BCAS3: variants seen among roughly 807,000 people sequenced by gnomAD.
The protein encoded by BCAS3 is BCAS3 microtubule associated cell migration factor, also known as BCAS4/BCAS3 fusion.
BCAS3 carries 53 observed loss-of-function variants against 116.1 expected under a neutral mutation model. The observed-to-expected ratio is 0.46, with a 90% CI of 0.37 to 0.57. The LOEUF (loss-of-function observed/expected upper bound fraction) is 0.57. Ranked by LOEUF, BCAS3 falls within the 20% of genes least tolerant of loss-of-function variation. BCAS3 has a pLI of 0.00. For missense variants in BCAS3, 917 were observed against 1,165.4 expected (o/e 0.79, Z 3.10); for synonymous variants, 391 against 408.2 (o/e 0.96, Z 0.51).
chr17:60,938,711 A>AAGATAGATAGAT (rs77328962), intron 13 of BCAS3, among the ~76,000 whole-genome samples: 2,671 of 146,662 alleles, frequency 0.018, 30 homozygotes, highest in Non-Finnish European at 0.019. Flanking sequence ...TTTCTGATAG[A>AAGATAGATAGAT]AGATAGATAG....
At chr17:61,089,607 G>T (rs2073376098) in intron 22 of BCAS3, among the ~76,000 whole-genome samples, 1 of 130,434 alleles carries the variant, frequency 7.7e-6, no homozygotes, top group Non-Finnish European at 1.5e-5. Flanking sequence ...TCAGCTCACT[G>T]CAACCTCCGC....
rs533688248 is a variant in BCAS3, at chr17:61,001,808, T to G, written c.1486+11573T>G. 3.9e-5 allele frequency among the ~76,000 whole-genome samples: 6 copies of G among 152,308 alleles called. No homozygotes were observed. In the South Asian group the frequency reaches 1.2e-3, roughly 32 times the overall value. ...GAATTTGTTTTCTCAAATTCTTTTATCACCTTTTTTAAAAAAAAATGTTGC... is the reference window on the plus strand; with the variant it reads ...GAATTTGTTTTCTCAAATTCTTTTAGCACCTTTTTTAAAAAAAAATGTTGC... On this transcript the variant is annotated intron_variant, in intron 15 of 23. Transcript: ENST00000407086.
intron 11 of BCAS3, among the ~76,000 whole-genome samples, chr17:60,907,480 A>G (rs145301096): frequency 6.6e-6 from 1 of 152,202 alleles, no homozygotes; most frequent in African/African-American, 2.4e-5. Flanking sequence ...CTGATATGGC[A>G]TGGGAAAGGT....
At chr17:60,877,823 C>T (rs925229726) in intron 9 of BCAS3, among the ~76,000 whole-genome samples, 15 of 152,136 alleles carry the variant, frequency 9.9e-5, no homozygotes, top group Non-Finnish European at 1.3e-4. Context: ...TGCATACTGG[C>T]TGTCATGGGT....
rs1211276628 is a variant in BCAS3 at position 61,235,879 on chromosome 17, T to C, written c.2426-132448T>C. On this transcript the variant is annotated intron_variant, in intron 22 of 23. Transcript: ENST00000407086. The surrounding 1 kb of genome is among the most constrained non-coding windows in gnomAD (Gnocchi z 5.0). ...GTTTCTGCTACTGGGAGCCACAGGG[T>C]AATCAGCTCACATGACATACCCAGA... Among the ~76,000 whole-genome samples the C allele has an allele frequency of 6.6e-6, 1 of 152,150 alleles. No homozygotes were observed. Among genetic ancestry groups the C allele is most frequent in the Non-Finnish European group, 1.5e-5 (1 of 68,028 alleles).
At chr17:60,828,595 C>T (rs2050638013) in intron 7 of BCAS3, among the ~76,000 whole-genome samples, 1 of 152,174 alleles carries the variant, frequency 6.6e-6, no homozygotes, top group Non-Finnish European at 1.5e-5. Flanking sequence ...AATGACAACA[C>T]AGTCTCAGTG....
At chr17:61,170,038 A>G (rs1022473095) in intron 22 of BCAS3, among the ~76,000 whole-genome samples, 1 of 151,256 alleles carries the variant, frequency 6.6e-6, no homozygotes, top group Admixed American at 6.6e-5. Flanking sequence ...TATTTTGAGT[A>G]GAGACGGGGT....
intron 11 of BCAS3, among the ~76,000 whole-genome samples, chr17:60,907,665 A>C (rs559666874): frequency 2.0e-5 from 3 of 152,350 alleles, no homozygotes; most frequent in Admixed American, 2.0e-4. Context: ...AAGATTCATC[A>C]GTGATTTAAT....
At chr17:60,737,961 A>G (rs1259783307) in intron 5 of BCAS3, among the ~76,000 whole-genome samples, 1 of 151,858 alleles carries the variant, frequency 6.6e-6, no homozygotes, top group Non-Finnish European at 1.5e-5. Context: ...TACTTTTTGC[A>G]TTTTTAGTAG....
rs984193824 is a variant in BCAS3, at chr17:61,363,746, C to G, written c.2426-4581C>G. ...GAGTGTGTATTTTGTCCTTTGCAAA[C>G]AGCCTGCGCTAAGTGAGCGTCTTCT... On this transcript the variant is annotated intron_variant, in intron 22 of 23. Transcript: ENST00000407086. The surrounding 1 kb of genome is among the most constrained non-coding windows in gnomAD (Gnocchi z 4.9). 1.3e-5 allele frequency among the ~76,000 whole-genome samples: 2 copies of G among 152,186 alleles called. No individual in the cohort carries two copies. The highest frequency in any genetic ancestry group is 4.8e-5 in the African/African-American group (2 of 41,428).
intron 7 of BCAS3, among the ~76,000 whole-genome samples, chr17:60,853,757 A>G (rs527877872): frequency 2.6e-5 from 4 of 152,286 alleles, no homozygotes; most frequent in African/African-American, 9.6e-5. Flanking sequence ...TTTTAAACAT[A>G]CTGTTTTCTT....
intron 22 of BCAS3, among the ~76,000 whole-genome samples, chr17:61,129,365 C>T (rs1373419412): frequency 1.3e-5 from 2 of 152,202 alleles, no homozygotes; most frequent in Non-Finnish European, 2.9e-5. Context: ...GCTTAGACTA[C>T]GAGAGCTAAC....
chr17:61,026,772 C>A lies in BCAS3; in HGVS notation c.1638-7894C>A. The A allele has an allele frequency of 8.7e-7, 1 of 1,144,792 alleles. No individual in the cohort carries two copies. Among genetic ancestry groups the A allele is most frequent in the Non-Finnish European group, 1.3e-6 (1 of 786,816 alleles). The allele number at this position is 1,144,792 out of a possible 1,614,324, so 70.9% of individuals were successfully genotyped here. A position where few individuals can be genotyped will look rare whatever the true frequency, so the allele number is the denominator to read the frequency against. On this transcript the variant is annotated intron_variant, in intron 16 of 23. Transcript: ENST00000407086. The surrounding 1 kb of genome is among the most constrained non-coding windows in gnomAD (Gnocchi z 5.0). ...TTACTAATTTTTTAGTTATTTTTAT[C>A]CATACTCTATAACAGTATGATATAC...
chr17:60,691,719 CTTT>C (rs897575381), intron 4 of BCAS3, among the ~76,000 whole-genome samples: 2 of 139,748 alleles, frequency 1.4e-5, no homozygotes, highest in Admixed American at 7.2e-5. Flanking sequence ...AATATGAAGC[CTTT>C]TTTTTTTTTT....
chr17:61,027,052 G>T, intron 16 of BCAS3: 1 of 639,720 alleles, frequency 1.6e-6, no homozygotes, highest in Non-Finnish European at 2.6e-6. Flanking sequence ...GATGGAACAT[G>T]AATGTTGATA....
rs758395945 is a variant in BCAS3 at position 60,990,787 on chromosome 17, C to T, written c.1486+552C>T. Reference sequence around the variant, plus strand: ...TCAGCCTCCCGAGCAGCTGGGATTACAGGCATCCGCCACCACGCCTGGCTG... The same window carrying T: ...TCAGCCTCCCGAGCAGCTGGGATTATAGGCATCCGCCACCACGCCTGGCTG... On this transcript the variant is annotated intron_variant, in intron 15 of 23. Transcript: ENST00000407086. This position sits in a 1 kb window ranked among gnomAD's most constrained non-coding sequence, Gnocchi z 5.1. 6.6e-6 allele frequency among the ~76,000 whole-genome samples: 1 copy of T among 152,090 alleles called. No individual in the cohort carries two copies. The highest frequency in any genetic ancestry group is 2.4e-5 in the African/African-American group (1 of 41,404).
intron 14 of BCAS3, among the ~76,000 whole-genome samples, chr17:60,975,114 GC>G (rs1308729948): frequency 1.3e-5 from 2 of 151,016 alleles, no homozygotes; most frequent in Non-Finnish European, 2.9e-5. Context: ...CCATTCTCCT[GC>G]CTCAGCCTCC....
intron 4 of BCAS3, among the ~76,000 whole-genome samples, chr17:60,702,898 AG>A (rs1439974720): frequency 1.3e-5 from 2 of 152,110 alleles, no homozygotes; most frequent in Non-Finnish European, 2.9e-5. Context: ...GTCCAAGGAA[AG>A]GAAATTCTTG....
At chr17:60,928,614 T>C (rs2059484931) in intron 13 of BCAS3, among the ~76,000 whole-genome samples, 1 of 152,222 alleles carries the variant, frequency 6.6e-6, no homozygotes, top group African/African-American at 2.4e-5. Context: ...AATTATTTAC[T>C]TTCAGCTTTG....
Sources: allele counts gnomAD v4.1 joint callset (sites outside exome capture counted in the v4.1 genomes callset), GRCh38; gene constraint gnomAD v4.1.1; non-coding constraint Gnocchi (gnomAD v3.1); transcripts MANE v1.5; gene names NCBI Gene and HGNC (gene_info 2026-07-23, HGNC 2026-07-21).